The following IFT74 variants were observed in gnomAD, a reference collection of about 807,000 sequenced individuals.
IFT74 encodes intraflagellar transport protein 74 homolog.
Under a neutral mutation model 96.7 loss-of-function variants are expected in IFT74, and 92 were observed. The observed-to-expected ratio is 0.95, with a 90% confidence interval of 0.80 to 1.13. The LOEUF (loss-of-function observed/expected upper bound fraction) is 1.13, where lower values mean the gene tolerates loss of function less well. Among genes scored for constraint, IFT74 ranks in the 50% most tolerant of loss-of-function variants. IFT74 has a pLI of 0.00. For missense variants in IFT74, 811 were observed against 698.2 expected (o/e 1.16, Z -1.82); for synonymous variants, 223 against 213.2 (o/e 1.05, Z -0.40).
At chr9:27,020,468 C>CA (rs1240326949) in intron 12 of IFT74, among the ~76,000 whole-genome samples, 5 of 133,492 alleles carry the variant, frequency 3.7e-5, no homozygotes, top group Admixed American at 2.3e-4. Context: ...TTTTTTATTT[C>CA]TTTTTTTTTT....
rs551593325 is a variant in IFT74, at chr9:27,064,148, A to G, written c.*1412A>G. Among the ~76,000 whole-genome samples the G allele has an allele frequency of 4.6e-5, 7 of 152,282 alleles. No homozygotes were observed. The highest frequency in any genetic ancestry group is 1.4e-4 in the African/African-American group (6 of 41,590). On this transcript the variant is annotated 3_prime_UTR_variant, in exon 20 of 20. Coordinates refer to ENST00000380062, the MANE Select transcript of IFT74 (RefSeq NM_025103.4). Reference sequence around the variant, plus strand: ...CAAAACCCTAACTTTCACAGAGCCTAGGTCACATGAGATGTGTCATTCCAA... The same window carrying G: ...CAAAACCCTAACTTTCACAGAGCCTGGGTCACATGAGATGTGTCATTCCAA...
At chr9:26,992,503 G>A (rs1409662621) in intron 8 of IFT74, among the ~76,000 whole-genome samples, 1 of 151,994 alleles carries the variant, frequency 6.6e-6, no homozygotes, top group Non-Finnish European at 1.5e-5. Context: ...GACCAGCCTG[G>A]GCAATGTGGC....
At chr9:27,025,317 C>T (rs766748129) in intron 12 of IFT74, among the ~76,000 whole-genome samples, 5 of 151,746 alleles carry the variant, frequency 3.3e-5, no homozygotes, top group Non-Finnish European at 5.9e-5. Flanking sequence ...GTGGCACGCA[C>T]CTGTAGTCCC....
At chr9:26,995,164 T>C (rs751945285) in intron 8 of IFT74, 2 of 158,244 alleles carry the variant, frequency 1.3e-5, no homozygotes, top group African/African-American at 2.4e-5. Flanking sequence ...GATTGAAACA[T>C]TAGTATAACT....
intron 4 of IFT74, among the ~76,000 whole-genome samples, chr9:26,983,377 G>A (rs1000726550): frequency 2.6e-5 from 4 of 152,174 alleles, no homozygotes; most frequent in African/African-American, 9.7e-5. Context: ...TAATTGTCTG[G>A]CTCTAGAGCA....
rs572927524 is a variant in IFT74 at position 26,995,572 on chromosome 9, TC to T, written c.587+5379del. The T allele has an allele frequency of 3.8e-6, 6 of 1,598,318 alleles. No homozygotes were observed. The South Asian group carries it at 6.6e-5, about 18-fold the overall frequency. Reference sequence around the variant, plus strand: ...TATCTATATATTTGTCTTCAATAAATCCATCATCATCTACCACAAATGAATG... The same window carrying T: ...TATCTATATATTTGTCTTCAATAAATCATCATCATCTACCACAAATGAATG... On this transcript the variant is annotated intron_variant, in intron 8 of 19. Transcript: ENST00000380062.
intron 2 of IFT74, among the ~76,000 whole-genome samples, chr9:26,972,412 T>C (rs1027704364): frequency 2.6e-5 from 4 of 152,214 alleles, no homozygotes; most frequent in Non-Finnish European, 4.4e-5. Context: ...GGTCTAAAAC[T>C]TTTGACAGGA....
upstream of IFT74, among the ~76,000 whole-genome samples, chr9:26,953,632 A>T (rs1825998968): frequency 6.6e-6 from 1 of 151,992 alleles, no homozygotes; most frequent in African/African-American, 2.4e-5. Flanking sequence ...GAATACCTTA[A>T]TGATGTCACT....
At chr9:27,010,931 A>C (rs1461620623) in intron 9 of IFT74, among the ~76,000 whole-genome samples, 2 of 152,234 alleles carry the variant, frequency 1.3e-5, no homozygotes, top group Non-Finnish European at 2.9e-5. Flanking sequence ...GCAAAGAATT[A>C]GGCCCCATAA....
intron 14 of IFT74, among the ~76,000 whole-genome samples, chr9:27,045,111 C>T (rs1009075558): frequency 2.0e-5 from 3 of 152,160 alleles, no homozygotes; most frequent in African/African-American, 4.8e-5. Flanking sequence ...GGAACCAGGC[C>T]GCACACCAGG....
At chr9:26,978,738 G>A (rs988469583) in intron 3 of IFT74, among the ~76,000 whole-genome samples, 1 of 152,128 alleles carries the variant, frequency 6.6e-6, no homozygotes, top group African/African-American at 2.4e-5. Flanking sequence ...TTTATGAGAA[G>A]TGAGTCAAGA....
In IFT74 at chr9:27,053,242, G is replaced by A. The variant is rs978559370; in HGVS notation, c.1334-2367G>A. ...TGAAGAAAACTTAGATATTATAATG[G>A]CCCTCCAGAGGTCACCATACCTAAA... On this transcript the variant is annotated intron_variant, in intron 16 of 19. Coordinates refer to ENST00000380062, the MANE Select transcript of IFT74 (RefSeq NM_025103.4). Among the ~76,000 whole-genome samples the A allele has an allele frequency of 2.1e-5, 3 of 140,594 alleles. No individual in the cohort carries two copies. In the Admixed American group the frequency reaches 2.3e-4, roughly 11 times the overall value. 92.2% of individuals were successfully genotyped at this position (140,594 alleles called of 152,430 possible).
At chr9:27,032,883 A>T (rs1830188861) in intron 13 of IFT74, among the ~76,000 whole-genome samples, 1 of 152,090 alleles carries the variant, frequency 6.6e-6, no homozygotes, top group Non-Finnish European at 1.5e-5. Context: ...AAAAAGAAAA[A>T]AAAAAGTCTT....
In IFT74 at chr9:27,064,944, A is replaced by T. The variant is rs1820563979; in HGVS notation, c.*2208A>T. On this transcript the variant is annotated 3_prime_UTR_variant, in exon 20 of 20. Coordinates refer to ENST00000380062, the MANE Select transcript of IFT74 (RefSeq NM_025103.4). ...CATTTAATACTTAGAAATGCAATAA[A>T]ATTCAAATAAAGTACTATATGCAGT... 6.6e-6 allele frequency among the ~76,000 whole-genome samples: 1 copy of T among 152,140 alleles called. No individual in the cohort carries two copies. Among genetic ancestry groups the T allele is most frequent in the African/African-American group, 2.4e-5 (1 of 41,446 alleles).
intron 18 of IFT74, among the ~76,000 whole-genome samples, chr9:27,056,803 C>T (rs1322166654): frequency 1.3e-5 from 2 of 151,700 alleles, no homozygotes; most frequent in Non-Finnish European, 2.9e-5. Flanking sequence ...TAGTACCCCA[C>T]CACCCAGAAG....
intron 6 of IFT74, among the ~76,000 whole-genome samples, chr9:26,986,764 A>G (rs1827657017): frequency 6.6e-6 from 1 of 152,178 alleles, no homozygotes; most frequent in Admixed American, 6.5e-5. Context: ...CTGGGACTAC[A>G]GGTGCATGCC....
chr9:26,974,888 C>T (rs1164388651), intron 2 of IFT74, among the ~76,000 whole-genome samples: 2 of 152,176 alleles, frequency 1.3e-5, no homozygotes, highest in Admixed American at 6.5e-5. Context: ...AAGCCAATGG[C>T]TCCCCCTCCT....
At chr9:26,980,916 A>G (rs1681264775) in intron 4 of IFT74, among the ~76,000 whole-genome samples, 2 of 152,162 alleles carry the variant, frequency 1.3e-5, no homozygotes, top group African/African-American at 4.8e-5. Context: ...AATACCTGAG[A>G]TTGGGTAACT....
At chr9:26,948,542 C>T (rs1394565451) in intron 1 of IFT74, among the ~76,000 whole-genome samples, 1 of 139,782 alleles carries the variant, frequency 7.2e-6, no homozygotes, top group Non-Finnish European at 1.5e-5. Flanking sequence ...GATCTCGGCT[C>T]ACTGCAACCC....
Sources: gnomAD v4.1 joint callset for allele counts (sites outside exome capture counted in the v4.1 genomes callset) on GRCh38, gnomAD v4.1.1 for gene constraint, MANE v1.5 for transcripts, NCBI Gene and HGNC (gene_info 2026-07-23, HGNC 2026-07-21) for gene names.